NAALADL2: variants seen among roughly 807,000 people sequenced by gnomAD.
NAALADL2 encodes inactive N-acetylated-alpha-linked acidic dipeptidase-like protein 2.
In NAALADL2, 76 loss-of-function variants were observed where a neutral mutation model predicts 87.2. That is an observed-to-expected ratio of 0.87 (90% CI 0.72 to 1.05). NAALADL2 has a LOEUF of 1.05. Among genes scored for constraint, NAALADL2 ranks in the 50% least tolerant of loss-of-function variants. The pLI, the probability that NAALADL2 is intolerant of heterozygous loss-of-function variation, is 0.00. For synonymous variants in NAALADL2, 354 were observed against 331.0 expected (o/e 1.07, Z -0.75); for missense variants, 1,089 against 945.8 (o/e 1.15, Z -1.99).
At chr3:175,324,463 ATTTT>A in intron 5 of NAALADL2, 138 bp downstream of exon 5, 1 of 670,950 alleles carries the variant, frequency 1.5e-6, no homozygotes, top group Non-Finnish European at 2.4e-6. Context: ...AAAGCAATTT[ATTTT>A]TTATCTTCTC....
chr3:175,434,804 C>CT (rs1047783072), intron 5 of NAALADL2, among the ~76,000 whole-genome samples: 52 of 152,000 alleles, frequency 3.4e-4, no homozygotes, highest in African/African-American at 9.2e-4. Flanking sequence ...GTTTACTTAG[C>CT]TTATATTACA....
At chr3:174,815,573 A>G (rs1421152879) in intron 3 of NAALADL2, among the ~76,000 whole-genome samples, 1 of 152,156 alleles carries the variant, frequency 6.6e-6, no homozygotes, top group Admixed American at 6.6e-5. Context: ...GGACTACAGA[A>G]GCCTGCCATC....
chr3:175,564,276 T>C (rs9849908), intron 9 of NAALADL2, among the ~76,000 whole-genome samples: 3,300 of 152,282 alleles, frequency 0.022, 119 homozygotes, highest in African/African-American at 0.076. Flanking sequence ...TAGTGAATGA[T>C]GCTAATACGC....
chr3:174,984,251 A>C (rs1337298135), intron 1 of NAALADL2, among the ~76,000 whole-genome samples: 1 of 152,352 alleles, frequency 6.6e-6, no homozygotes, highest in East Asian at 1.9e-4. Context: ...TTTTAGATTT[A>C]ATCATGGCAA....
At chr3:174,971,249 C>G (rs950983013) in intron 1 of NAALADL2, among the ~76,000 whole-genome samples, 1 of 152,110 alleles carries the variant, frequency 6.6e-6, no homozygotes, top group Admixed American at 6.5e-5. Flanking sequence ...GACAGCCAAA[C>G]CATATTGGGC....
chr3:175,678,038 C>G (rs991053136), intron 11 of NAALADL2, among the ~76,000 whole-genome samples: 1 of 152,106 alleles, frequency 6.6e-6, no homozygotes, highest in African/African-American at 2.4e-5. Flanking sequence ...TTAGGCAGAG[C>G]CTTGTAGCTG....
At chr3:174,632,488 A>G (rs572195525) in intron 2 of NAALADL2, among the ~76,000 whole-genome samples, 18 of 152,336 alleles carry the variant, frequency 1.2e-4, no homozygotes, top group South Asian at 6.2e-4. Flanking sequence ...GAAGTACAAG[A>G]TAAAATGCTG....
intron 2 of NAALADL2, among the ~76,000 whole-genome samples, chr3:174,674,053 T>C (rs1463518747): frequency 6.6e-6 from 1 of 152,014 alleles, no homozygotes. Flanking sequence ...CTCTGCAGGC[T>C]GTACAAGCAT....
intron 9 of NAALADL2, among the ~76,000 whole-genome samples, chr3:175,492,647 T>G (rs925432915): frequency 6.6e-5 from 10 of 152,314 alleles, no homozygotes; most frequent in Middle Eastern, 6.8e-3. Flanking sequence ...TAACCCATTA[T>G]GTAATTCACA....
At chr3:175,250,543 C>A (rs1390857411) in intron 3 of NAALADL2, among the ~76,000 whole-genome samples, 1 of 152,164 alleles carries the variant, frequency 6.6e-6, no homozygotes, top group Admixed American at 6.5e-5. Flanking sequence ...CATTACTCAA[C>A]AAATTGATTT....
intron 1 of NAALADL2, among the ~76,000 whole-genome samples, chr3:175,062,814 G>A (rs1014215954): frequency 1.3e-5 from 2 of 152,052 alleles, no homozygotes; most frequent in African/African-American, 4.8e-5. Context: ...ATTGTATTTA[G>A]CAAGCACTCA....
chr3:175,010,991 A>T (rs73881600), intron 1 of NAALADL2, among the ~76,000 whole-genome samples: 2 of 152,154 alleles, frequency 1.3e-5, no homozygotes, highest in African/African-American at 4.8e-5. Flanking sequence ...ATCTTTAAAA[A>T]ATAAATCTAG....
At chr3:174,448,620 G>A (rs561362039) in intron 1 of NAALADL2, among the ~76,000 whole-genome samples, 1 of 152,282 alleles carries the variant, frequency 6.6e-6, no homozygotes, top group East Asian at 1.9e-4. Context: ...AATGAGATGA[G>A]TATTGCCAGG....
At chr3:175,176,839 T>G (rs1735768201) in intron 2 of NAALADL2, among the ~76,000 whole-genome samples, 1 of 152,062 alleles carries the variant, frequency 6.6e-6, no homozygotes, top group Non-Finnish European at 1.5e-5. Flanking sequence ...ATAGTACTGC[T>G]GAAACCTTGA....
At chr3:174,526,266 C>T (rs1373571525) in intron 1 of NAALADL2, among the ~76,000 whole-genome samples, 2 of 152,106 alleles carry the variant, frequency 1.3e-5, no homozygotes, top group Non-Finnish European at 2.9e-5. Flanking sequence ...AGTGGACTAG[C>T]ATTTCTGTGT....
At chr3:175,325,369 T>C (rs868278982) in intron 5 of NAALADL2, among the ~76,000 whole-genome samples, 3 of 152,234 alleles carry the variant, frequency 2.0e-5, no homozygotes, top group Non-Finnish European at 2.9e-5. Context: ...ATAATCCATG[T>C]AAATTTTCTC....
At chr3:175,178,916 T>C (rs1409617176) in intron 2 of NAALADL2, among the ~76,000 whole-genome samples, 1 of 152,002 alleles carries the variant, frequency 6.6e-6, no homozygotes. Context: ...GATTGGCTAT[T>C]GTGATTGAAA....
chr3:174,883,356 A>G (rs575343826), intron 1 of NAALADL2, among the ~76,000 whole-genome samples: 1 of 152,250 alleles, frequency 6.6e-6, no homozygotes, highest in Non-Finnish European at 1.5e-5. Flanking sequence ...ATCCATACAC[A>G]TCTCTTGAGA....
At chr3:174,915,805 A>T (rs142532757) in intron 1 of NAALADL2, among the ~76,000 whole-genome samples, 3 of 152,176 alleles carry the variant, frequency 2.0e-5, no homozygotes, top group African/African-American at 7.2e-5. Flanking sequence ...TCTTCTGGAC[A>T]TTGGCTTAGG....
Sources: allele counts gnomAD v4.1 joint callset (sites outside exome capture counted in the v4.1 genomes callset), GRCh38; gene constraint gnomAD v4.1.1; transcripts MANE v1.5; gene names NCBI Gene and HGNC (gene_info 2026-07-23, HGNC 2026-07-21).